RASGEF1B: variants seen among roughly 807,000 people sequenced by gnomAD.
The protein encoded by RASGEF1B is ras-GEF domain-containing family member 1B.
A neutral mutation model predicts 65.7 loss-of-function variants in RASGEF1B; 30 were observed. The observed-to-expected ratio is 0.46, with a 90% CI of 0.34 to 0.62. The LOEUF (loss-of-function observed/expected upper bound fraction) is 0.62, where lower values mean the gene tolerates loss of function less well. RASGEF1B is among the 20% of genes least tolerant of loss of function. The probability of loss-of-function intolerance (pLI) is 0.01; values close to 1 mark genes in which losing one functional copy is unlikely to be tolerated. For missense variants in RASGEF1B, 495 were observed against 580.1 expected (o/e 0.85, Z 1.51); for synonymous variants, 175 against 194.8 (o/e 0.90, Z 0.85).
intron 1 of RASGEF1B, among the ~76,000 whole-genome samples, chr4:81,470,443 C>T (rs1722980344): frequency 6.6e-6 from 1 of 152,190 alleles, no homozygotes. Context: ...CAATTATTCA[C>T]CCCATCTGAG....
chr4:81,461,582 C>G (rs1432158982), intron 1 of RASGEF1B, among the ~76,000 whole-genome samples: 1 of 152,184 alleles, frequency 6.6e-6, no homozygotes, highest in African/African-American at 2.4e-5. Flanking sequence ...AAAGGAACCA[C>G]AGAAATCACC....
chr4:81,443,600 A>G (rs1421967440), intron 8 of RASGEF1B, among the ~76,000 whole-genome samples: 1 of 152,328 alleles, frequency 6.6e-6, no homozygotes, highest in African/African-American at 2.4e-5. Flanking sequence ...TGTTACTTAT[A>G]TGTATCAATT....
intron 2 of RASGEF1B, among the ~76,000 whole-genome samples, chr4:81,458,384 AC>A (rs1478006163): frequency 6.6e-6 from 1 of 152,130 alleles, no homozygotes; most frequent in African/African-American, 2.4e-5. Flanking sequence ...GATTCCTTTT[AC>A]TTTTGACTAC....
At position 81,448,183 on chromosome 4, in the gene RASGEF1B, T is replaced by C. The variant is rs1192331394; in HGVS notation, c.540A>G (p.Thr180=). The change falls in exon 5 of 14, where the codon ACA becomes ACG. Residue 180 remains threonine (T), a synonymous_variant. Coordinates refer to ENST00000264400, the MANE Select transcript of RASGEF1B (RefSeq NM_152545.3). ...YEEVLAKISS[T]STDRLTVLKT... Reference sequence around the variant, plus strand: ...TGAGAACTGTGAGCCGATCTGTGGATGTGGAGCTGATTTTTGCCAGGACTT... The same window carrying C: ...TGAGAACTGTGAGCCGATCTGTGGACGTGGAGCTGATTTTTGCCAGGACTT... The C allele has an allele frequency of 6.2e-7, 1 of 1,613,990 alleles. No individual in the cohort carries two copies. The highest frequency in any genetic ancestry group is 8.5e-7 in the Non-Finnish European group (1 of 1,180,020).
chr4:81,433,485 T>C (rs1234293730), intron 12 of RASGEF1B, among the ~76,000 whole-genome samples: 1 of 152,172 alleles, frequency 6.6e-6, no homozygotes, highest in African/African-American at 2.4e-5. Flanking sequence ...ACTGTTTTTG[T>C]TATTTTTCTC....
chr4:81,440,717 CAT>C (rs1479560402), intron 10 of RASGEF1B, 115 bp downstream of exon 10: 15 of 649,212 alleles, frequency 2.3e-5, no homozygotes, highest in African/African-American at 3.6e-5. Flanking sequence ...CTAGAGTACA[CAT>C]GTCTCTCTCT....
rs1441258181 is a variant in RASGEF1B, at chr4:81,445,609, C to T, written c.845G>A (p.Arg282Gln). ...EICMPVKKKH[R>Q]ARMIEYFIDV... ...AATGAAATACTCAATCATTCTTGCT[C>T]GGTGTTTTTTCTTAACAGGCTACAC... Residue 282 changes from arginine (R) to glutamine (Q), a missense_variant, in exon 8 of 14, where the codon CGA (arginine) becomes CAA (glutamine). Arg to Gln is a conservative substitution (Grantham distance 43, BLOSUM62 1). Coordinates refer to ENST00000264400, the MANE Select transcript of RASGEF1B (RefSeq NM_152545.3). 5.6e-6 allele frequency: 9 copies of T among 1,613,834 alleles called. No individual in the cohort carries two copies. Among genetic ancestry groups the T allele is most frequent in the South Asian group, 4.4e-5 (4 of 91,070 alleles).
chr4:81,466,524 C>A (rs555563991), intron 1 of RASGEF1B, among the ~76,000 whole-genome samples: 1 of 151,908 alleles, frequency 6.6e-6, no homozygotes, highest in African/African-American at 2.4e-5. Flanking sequence ...CTTTGGGAGG[C>A]TGAGGTGGGC....
At chr4:81,433,985 A>T in intron 11 of RASGEF1B, 22 bp from the exon 12 acceptor site, 1 of 1,597,362 alleles carries the variant, frequency 6.3e-7, no homozygotes, top group Non-Finnish European at 8.6e-7. Flanking sequence ...GTAAAAAAAG[A>T]ATATAAAGGT....
chr4:81,433,395 T>C (rs1721501785), intron 12 of RASGEF1B, among the ~76,000 whole-genome samples: 1 of 152,158 alleles, frequency 6.6e-6, no homozygotes, highest in Non-Finnish European at 1.5e-5. Flanking sequence ...ATCTAATCTC[T>C]TTTTCTGCTT....
intron 3 of RASGEF1B, 146 bp from the exon 4 acceptor site, chr4:81,456,934 C>G: frequency 1.5e-6 from 1 of 672,826 alleles, no homozygotes. Context: ...CCCTCCATGT[C>G]AATGCCAAGT....
At chr4:81,438,124 AGAATTG>A (rs1721707784) in intron 10 of RASGEF1B, among the ~76,000 whole-genome samples, 1 of 152,218 alleles carries the variant, frequency 6.6e-6, no homozygotes, top group African/African-American at 2.4e-5. Flanking sequence ...TCACAGGAGC[AGAATTG>A]GAATGGCAAG....
intron 1 of RASGEF1B, 137 bp downstream of exon 1, chr4:81,471,633 A>T (rs946792985): frequency 6.6e-6 from 1 of 152,556 alleles, no homozygotes; most frequent in East Asian, 1.9e-4. Flanking sequence ...GCAGCCGGTG[A>T]AGTCTCTGAG....
chr4:81,465,217 C>T (rs1722768289), intron 1 of RASGEF1B, among the ~76,000 whole-genome samples: 1 of 151,866 alleles, frequency 6.6e-6, no homozygotes, highest in Admixed American at 6.6e-5. Context: ...TGGGCTTTCT[C>T]TTTTCTTTTC....
chr4:81,471,647 C>G (rs1723030416), intron 1 of RASGEF1B, 123 bp downstream of exon 1: 1 of 152,628 alleles, frequency 6.6e-6, no homozygotes, highest in Non-Finnish European at 1.5e-5. Context: ...CTCTGAGCCC[C>G]GCTCGCTCCC....
chr4:81,467,986 A>G (rs1219817404), intron 1 of RASGEF1B, among the ~76,000 whole-genome samples: 2 of 152,200 alleles, frequency 1.3e-5, no homozygotes, highest in Admixed American at 1.3e-4. Context: ...AGCACTTAAA[A>G]TGTGGCTTAT....
intron 1 of RASGEF1B, among the ~76,000 whole-genome samples, chr4:81,466,937 T>TAAAAAAA: frequency 1.1e-5 from 1 of 94,726 alleles, no homozygotes; most frequent in Non-Finnish European, 2.1e-5. Context: ...CTTACCTCCT[T>TAAAAAAA]AAAAAAAAAA....
intron 1 of RASGEF1B, among the ~76,000 whole-genome samples, chr4:81,465,097 A>T (rs1722763987): frequency 6.6e-6 from 1 of 151,568 alleles, no homozygotes; most frequent in African/African-American, 2.4e-5. Flanking sequence ...AAAAAAAAAA[A>T]AAGAAAGAAA....
intron 6 of RASGEF1B, among the ~76,000 whole-genome samples, chr4:81,446,311 T>C (rs769992833): frequency 6.6e-6 from 1 of 152,172 alleles, no homozygotes; most frequent in Non-Finnish European, 1.5e-5. Flanking sequence ...GGGAGGAGGT[T>C]GTAGTGAACC....
Sources: allele counts gnomAD v4.1 joint callset (sites outside exome capture counted in the v4.1 genomes callset), GRCh38; gene constraint gnomAD v4.1.1; transcripts MANE v1.5; gene names NCBI Gene and HGNC (gene_info 2026-07-23, HGNC 2026-07-21).